Variants in ZYG11B observed in about 807,000 individuals in gnomAD.
The protein encoded by ZYG11B is protein zyg-11 homolog B.
Under a neutral mutation model 82.4 loss-of-function variants are expected in ZYG11B, and 36 were observed. The observed-to-expected ratio is 0.44, with a 90% CI of 0.33 to 0.58. The LOEUF (loss-of-function observed/expected upper bound fraction) is 0.58. Among genes scored for constraint, ZYG11B ranks in the 20% least tolerant of loss-of-function variants. The probability of loss-of-function intolerance (pLI) is 0.02; values close to 1 mark genes in which losing one functional copy is unlikely to be tolerated. For synonymous variants in ZYG11B, 303 were observed against 312.8 expected, an observed-to-expected ratio of 0.97 and a Z score of 0.33; for missense variants, 552 against 895.6, an observed-to-expected ratio of 0.62 and a Z score of 4.90.
At chr1:52,802,171 A>G in intron 10 of ZYG11B, 32 bp downstream of exon 10, 1 of 1,589,278 alleles carries the variant, frequency 6.3e-7, no homozygotes, top group Non-Finnish European at 8.5e-7. Flanking sequence ...CTAAGTTCCA[A>G]GCTATATTTA....
chr1:52,748,246 C>T (rs1172131236), intron 1 of ZYG11B, among the ~76,000 whole-genome samples: 2 of 152,130 alleles, frequency 1.3e-5, no homozygotes, highest in African/African-American at 2.4e-5. Flanking sequence ...GAGATCTGCA[C>T]CAGGACCTGA....
intron 1 of ZYG11B, among the ~76,000 whole-genome samples, chr1:52,748,875 C>A (rs1414653316): frequency 7.2e-6 from 1 of 139,152 alleles, no homozygotes; most frequent in Non-Finnish European, 1.5e-5. Flanking sequence ...GCACTCCAGC[C>A]TGGGCAACAG....
intron 1 of ZYG11B, among the ~76,000 whole-genome samples, chr1:52,739,102 C>T (rs1367506075): frequency 6.6e-6 from 1 of 150,830 alleles, no homozygotes; most frequent in Non-Finnish European, 1.5e-5. Context: ...ATTCTCCTGC[C>T]TCAGCCCCCG....
chr1:52,783,853 TGTGTGTGTATGTAC>T (rs1644881896), intron 4 of ZYG11B, among the ~76,000 whole-genome samples: 1 of 57,168 alleles, frequency 1.7e-5, no homozygotes, highest in African/African-American at 5.6e-5. Context: ...TACATACACG[TGTGTGTGTATGTAC>T]ATACACGTGT....
chr1:52,793,962 T>C (rs1644985274), intron 6 of ZYG11B, among the ~76,000 whole-genome samples: 1 of 150,202 alleles, frequency 6.7e-6, no homozygotes, highest in Non-Finnish European at 1.5e-5. Flanking sequence ...TCCTTTCCTT[T>C]CCTTTCATTT....
At chr1:52,732,541 C>T (rs770555337) in intron 1 of ZYG11B, among the ~76,000 whole-genome samples, 5 of 152,192 alleles carry the variant, frequency 3.3e-5, no homozygotes, top group East Asian at 1.9e-4. Context: ...AGACGGATCA[C>T]GAGGTCAAGA....
At chr1:52,803,555 A>G (rs374040032) in intron 10 of ZYG11B, among the ~76,000 whole-genome samples, 11 of 151,598 alleles carry the variant, frequency 7.3e-5, no homozygotes, top group African/African-American at 2.4e-4. Context: ...ATGCTTCTTT[A>G]TATTTTTTGG....
chr1:52,771,223 A>G lies in ZYG11B; in HGVS notation c.400A>G (p.Ile134Val), dbSNP rs926810328. ...IISGLGSNKWIQQNLQCLVLN... is the reference protein window; with the variant it reads ...IISGLGSNKWVQQNLQCLVLN... ...CAGTGGGCTTGGCAGTAACAAATGG[A>G]TCCAGCAGAATCTCCAGTGCCTGGT... The change falls in exon 3 of 14, where the codon ATC becomes GTC. Residue 134 changes from isoleucine (I) to valine (V), a missense_variant. By Grantham distance (29) the Ile-to-Val change is conservative. Coordinates refer to ENST00000294353, the MANE Select transcript of ZYG11B (RefSeq NM_024646.3). This position sits in a 1 kb window ranked among gnomAD's most constrained non-coding sequence, Gnocchi z 5.4. 2 of 1,614,200 alleles carry G rather than the reference A, an allele frequency of 1.2e-6. No homozygotes were observed. The highest frequency in any genetic ancestry group is 1.7e-6 in the Non-Finnish European group (2 of 1,180,032).
At chr1:52,775,358 G>A (rs548291966) in intron 3 of ZYG11B, among the ~76,000 whole-genome samples, 2 of 149,574 alleles carry the variant, frequency 1.3e-5, no homozygotes, top group South Asian at 4.3e-4. Context: ...TTGGGAGGCC[G>A]AGGTGGGAGG....
rs1174897666 is a variant in ZYG11B, at chr1:52,764,995, T to C, written c.197-6025T>C. Among the ~76,000 whole-genome samples, 3 of 152,072 alleles carry C rather than the reference T, an allele frequency of 2.0e-5. No homozygotes were observed. The East Asian group carries it at 5.8e-4, about 29-fold the overall frequency. On this transcript the variant is annotated intron_variant, in intron 2 of 13. Transcript: ENST00000294353. ...TATCTTAGGAAGAAAATTGAAGCCA[T>C]CAGATAAAATTCCCTTAACTCCATG...
chr1:52,765,698 T>C (rs1049914624), intron 2 of ZYG11B, among the ~76,000 whole-genome samples: 9 of 152,126 alleles, frequency 5.9e-5, no homozygotes, highest in Non-Finnish European at 1.2e-4. Context: ...GGATGGAGTC[T>C]TGCAATGTTG....
At chr1:52,743,242 C>G (rs975031900) in intron 1 of ZYG11B, among the ~76,000 whole-genome samples, 21 of 151,616 alleles carry the variant, frequency 1.4e-4, no homozygotes, top group Middle Eastern at 6.8e-3. Context: ...ATCTCAAGTA[C>G]CCAGGGACAC....
chr1:52,796,411 A>C lies in ZYG11B; in HGVS notation c.1434+20A>C. 1 of 1,591,552 alleles carries C rather than the reference A, an allele frequency of 6.3e-7. No homozygotes were observed. Among genetic ancestry groups the C allele is most frequent in the Non-Finnish European group, 8.6e-7 (1 of 1,160,320 alleles). On this transcript the variant is annotated intron_variant, in intron 7 of 13. Transcript: ENST00000294353. ...GCCAAGGTACCTGAACTCTTGCTGA[A>C]TAATTTTCTGTAGACAGCTGTTTCT... is the stretch of plus-strand genomic sequence containing the variant.
chr1:52,803,123 C>CATATATATATAT (rs1313356218), intron 10 of ZYG11B, among the ~76,000 whole-genome samples: 2 of 53,652 alleles, frequency 3.7e-5, no homozygotes, highest in South Asian at 4.5e-4. Context: ...TATATACACA[C>CATATATATATAT]ATATATATAT....
intron 1 of ZYG11B, among the ~76,000 whole-genome samples, chr1:52,735,682 G>A (rs533619665): frequency 6.6e-6 from 1 of 151,980 alleles, no homozygotes; most frequent in Non-Finnish European, 1.5e-5. Flanking sequence ...AACTACAGGC[G>A]CCCACTGCCA....
chr1:52,823,751 T>C lies in ZYG11B; in HGVS notation c.*2122T>C, dbSNP rs1645303049. ...GCTAGGTTTTTGTCTTTACAAATTATTTTCAGAAATGGCTAAAAGTGTACA... is the reference window on the plus strand; with the variant it reads ...GCTAGGTTTTTGTCTTTACAAATTACTTTCAGAAATGGCTAAAAGTGTACA... On this transcript the variant is annotated 3_prime_UTR_variant, in exon 14 of 14. Coordinates refer to ENST00000294353, the MANE Select transcript of ZYG11B (RefSeq NM_024646.3). 6.6e-6 allele frequency: 1 copy of C among 152,244 alleles called. No homozygotes were observed. The highest frequency in any genetic ancestry group is 2.1e-4 in the South Asian group (1 of 4,832). 9.4% of individuals were successfully genotyped at this position (152,244 alleles called of 1,614,324 possible). A position where few individuals can be genotyped will look rare whatever the true frequency, so the allele number is the denominator to read the frequency against.
At chr1:52,743,967 C>T (rs925774011) in intron 1 of ZYG11B, among the ~76,000 whole-genome samples, 1 of 151,814 alleles carries the variant, frequency 6.6e-6, no homozygotes, top group Non-Finnish European at 1.5e-5. Flanking sequence ...GAGTCTCGCT[C>T]TGTCACCCAG....
At chr1:52,740,936 A>C (rs1480624633) in intron 1 of ZYG11B, among the ~76,000 whole-genome samples, 1 of 151,338 alleles carries the variant, frequency 6.6e-6, no homozygotes, top group Non-Finnish European at 1.5e-5. Context: ...GTAAGGGATT[A>C]GATCATCTCT....
chr1:52,819,074 G>C (rs1171967410), intron 13 of ZYG11B, among the ~76,000 whole-genome samples: 1 of 152,132 alleles, frequency 6.6e-6, no homozygotes, highest in Non-Finnish European at 1.5e-5. Context: ...ACCGCACCCA[G>C]CTCCTTCTCT....
Sources: gnomAD v4.1 joint callset for allele counts (sites outside exome capture counted in the v4.1 genomes callset) on GRCh38, gnomAD v4.1.1 for gene constraint, Gnocchi (gnomAD v3.1) non-coding constraint, MANE v1.5 for transcripts, NCBI Gene and HGNC (gene_info 2026-07-23, HGNC 2026-07-21) for gene names.